Variants in SDHC observed in about 807,000 individuals in gnomAD.
SDHC encodes the protein succinate dehydrogenase cytochrome b560 subunit, mitochondrial.
A neutral mutation model predicts 22.6 loss-of-function variants in SDHC; 11 were observed. That is an observed-to-expected ratio of 0.49 (90% CI 0.31 to 0.81). The LOEUF (loss-of-function observed/expected upper bound fraction) is 0.81, where lower values mean the gene tolerates loss of function less well. Ranked by LOEUF, SDHC falls within the 30% of genes least tolerant of loss-of-function variation. The probability of loss-of-function intolerance (pLI) is 0.05; values close to 1 mark genes in which losing one functional copy is unlikely to be tolerated. For missense variants in SDHC, 160 were observed against 212.0 expected (o/e 0.75, Z 1.52); for synonymous variants, 80 against 77.8 (o/e 1.03, Z -0.15).
chr1:161,317,095 T>A (rs186931200), intron 1 of SDHC, among the ~76,000 whole-genome samples: 2 of 150,900 alleles, frequency 1.3e-5, no homozygotes, highest in East Asian at 4.0e-4. Flanking sequence ...CTTGGCTCAC[T>A]GCAACCGCCC....
intron 1 of SDHC, among the ~76,000 whole-genome samples, chr1:161,323,021 CAG>C (rs1670894387): frequency 6.6e-6 from 1 of 151,646 alleles, no homozygotes; most frequent in South Asian, 2.1e-4. Flanking sequence ...TTTTTTGAGA[CAG>C]AGTCTCGCTC....
chr1:161,321,147 A>G (rs763810592), intron 1 of SDHC, among the ~76,000 whole-genome samples: 7 of 152,098 alleles, frequency 4.6e-5, no homozygotes, highest in Non-Finnish European at 8.8e-5. Context: ...TTTACTTCCC[A>G]ATGTTATTTT....
At chr1:161,316,334 G>A (rs990485853) in intron 1 of SDHC, among the ~76,000 whole-genome samples, 4 of 152,230 alleles carry the variant, frequency 2.6e-5, no homozygotes, top group African/African-American at 4.8e-5. Flanking sequence ...TTTCCTAGGC[G>A]GAGGTCCTTG....
At chr1:161,336,824 T>A (rs1671504325) in intron 3 of SDHC, among the ~76,000 whole-genome samples, 1 of 152,158 alleles carries the variant, frequency 6.6e-6, no homozygotes, top group South Asian at 2.1e-4. Flanking sequence ...CCATTGGCAG[T>A]CTGGGCTGTT....
rs1450437203 is a variant in SDHC at position 161,323,600 on chromosome 1, C to T, written c.21-14C>T. 1.6e-5 allele frequency: 25 copies of T among 1,610,444 alleles called. No individual in the cohort carries two copies. Among genetic ancestry groups the T allele is most frequent in the Non-Finnish European group, 2.1e-5 (25 of 1,176,758 alleles). Reference sequence around the variant, plus strand: ...TCTAAATGTGTATTGATTTTTGATTCTCTTATCTTGCAGACACGTTGGTCG... The same window carrying T: ...TCTAAATGTGTATTGATTTTTGATTTTCTTATCTTGCAGACACGTTGGTCG... On this transcript the variant is annotated splice_polypyrimidine_tract_variant and intron_variant, in intron 1 of 5. Transcript: ENST00000367975.
chr1:161,321,534 G>A (rs1033252371), intron 1 of SDHC, among the ~76,000 whole-genome samples: 6 of 152,160 alleles, frequency 3.9e-5, no homozygotes, highest in Admixed American at 6.5e-5. Context: ...TGAGGAATGC[G>A]TGCCCTGCAA....
chr1:161,321,032 G>A (rs1279505135), intron 1 of SDHC, among the ~76,000 whole-genome samples: 3 of 151,944 alleles, frequency 2.0e-5, no homozygotes, highest in Non-Finnish European at 2.9e-5. Context: ...TCATCATGTT[G>A]GCCAGGATGG....
chr1:161,334,309 T>C (rs1671389583), intron 3 of SDHC, among the ~76,000 whole-genome samples: 1 of 151,558 alleles, frequency 6.6e-6, no homozygotes, highest in African/African-American at 2.4e-5. Context: ...TCCTTTCTTC[T>C]GTGAGCCTCT....
At chr1:161,322,174 T>G (rs1244037970) in intron 1 of SDHC, among the ~76,000 whole-genome samples, 1 of 152,216 alleles carries the variant, frequency 6.6e-6, no homozygotes, top group African/African-American at 2.4e-5. Context: ...ATGTCAGCAC[T>G]TAAAACATTT....
chr1:161,346,463 G>T (rs1408710255), intron 4 of SDHC, among the ~76,000 whole-genome samples: 1 of 151,422 alleles, frequency 6.6e-6, no homozygotes, highest in Non-Finnish European at 1.5e-5. Context: ...GCAATAGCGC[G>T]ATCTCAGCTC....
intron 2 of SDHC, 150 bp from the exon 3 acceptor site, chr1:161,328,246 C>T (rs998937122): frequency 4.6e-5 from 30 of 653,612 alleles, no homozygotes; most frequent in Non-Finnish European, 7.6e-5. Flanking sequence ...AGGTGATCCG[C>T]CCGCCTCGGC....
chr1:161,335,963 C>T (rs1671467270), intron 3 of SDHC, among the ~76,000 whole-genome samples: 1 of 152,104 alleles, frequency 6.6e-6, no homozygotes. Context: ...TTGAGCTCTG[C>T]TACTCTCTTG....
intron 4 of SDHC, among the ~76,000 whole-genome samples, chr1:161,350,508 A>G (rs1287959236): frequency 6.6e-6 from 1 of 152,240 alleles, no homozygotes; most frequent in Non-Finnish European, 1.5e-5. Context: ...AACATCAACA[A>G]AAGTTCCAGA....
intron 1 of SDHC, among the ~76,000 whole-genome samples, chr1:161,319,337 C>G (rs535093375): frequency 1.3e-5 from 2 of 151,706 alleles, no homozygotes; most frequent in East Asian, 3.9e-4. Context: ...ATTATTAAAC[C>G]ACATAAGAAA....
chr1:161,361,939 C>G (rs988574797), intron 5 of SDHC, among the ~76,000 whole-genome samples: 4 of 145,720 alleles, frequency 2.7e-5, no homozygotes, highest in African/African-American at 1.0e-4. Flanking sequence ...TTGGCCCATA[C>G]AATGGCTTTC....
At chr1:161,340,694 T>A (rs1326742942) in intron 4 of SDHC, 39 bp downstream of exon 4, 3 of 1,566,196 alleles carry the variant, frequency 1.9e-6, no homozygotes, top group Non-Finnish European at 2.6e-6. Context: ...ATGTGCTTCT[T>A]TGAAAAACTT....
At chr1:161,355,146 C>T (rs1672227232) in intron 4 of SDHC, among the ~76,000 whole-genome samples, 1 of 152,196 alleles carries the variant, frequency 6.6e-6, no homozygotes, top group African/African-American at 2.4e-5. Flanking sequence ...TTTTCTTTCA[C>T]ATAGGGAAAT....
rs876658398 is a variant in SDHC, at chr1:161,340,605, C to A, written c.191C>A (p.Pro64His). ...PHITIYSWSL[P>H]MAMSICHRGT... Reference sequence around the variant, plus strand: ...GTGTTTCTTTACAGTTGGTCTCTTCCCATGGCGATGTCCATCTGCCACCGT... The same window carrying A: ...GTGTTTCTTTACAGTTGGTCTCTTCACATGGCGATGTCCATCTGCCACCGT... Residue 64 changes from proline (P) to histidine (H), a missense_variant, in exon 4 of 6, where the codon CCC becomes CAC. Transcript: ENST00000367975. 6.2e-7 allele frequency: 1 copy of A among 1,613,872 alleles called. No individual in the cohort carries two copies. The highest frequency in any genetic ancestry group is 8.5e-7 in the Non-Finnish European group (1 of 1,179,820).
chr1:161,336,308 A>G (rs1296496432), intron 3 of SDHC, among the ~76,000 whole-genome samples: 2 of 152,124 alleles, frequency 1.3e-5, no homozygotes, highest in East Asian at 3.9e-4. Flanking sequence ...TACAAAAATT[A>G]GCTGGCCGTG....
Sources: gnomAD v4.1 joint callset for allele counts (sites outside exome capture counted in the v4.1 genomes callset) on GRCh38, gnomAD v4.1.1 for gene constraint, MANE v1.5 for transcripts, NCBI Gene and HGNC (gene_info 2026-07-23, HGNC 2026-07-21) for gene names.